Variants in IL1RAPL1 observed in about 807,000 individuals in gnomAD.
The protein encoded by IL1RAPL1 is interleukin 1 receptor accessory protein like 1, also known as interleukin-1 receptor accessory protein-like 1.
In IL1RAPL1, 3 loss-of-function variants were observed where a neutral mutation model predicts 48.4. The observed-to-expected ratio is 0.06, with a 90% CI of 0.03 to 0.16. IL1RAPL1 has a LOEUF of 0.16. IL1RAPL1 is among the 10% of genes least tolerant of loss of function. IL1RAPL1 has a pLI of 1.00. For missense variants in IL1RAPL1, 349 were observed against 530.6 expected (o/e 0.66, Z 3.36); for synonymous variants, 185 against 187.7 (o/e 0.99, Z 0.12).
intron 5 of IL1RAPL1, among the ~76,000 whole-genome samples, chrX:29,494,148 G>A (rs766112654): frequency 7.2e-5 from 8 of 110,621 alleles, no homozygotes; most frequent in South Asian, 3.8e-4. Flanking sequence ...TGATCTTCCC[G>A]CTTTGGCCTC....
chrX:29,391,806 C>T (rs1258668777), intron 3 of IL1RAPL1, among the ~76,000 whole-genome samples: 1 of 111,712 alleles, frequency 9.0e-6, no homozygotes, highest in Non-Finnish European at 1.9e-5. Context: ...ATTGCCTCCC[C>T]TAGCTTATAG....
rs1347032467 is a variant in IL1RAPL1 at position 29,606,703 on chromosome X, G to A, written c.704-61727G>A. Among the ~76,000 whole-genome samples, 3 of 111,624 alleles carry A rather than the reference G, an allele frequency of 2.7e-5. No homozygotes were observed. In the East Asian group the frequency reaches 8.4e-4, roughly 31 times the overall value. On this transcript the variant is annotated intron_variant, in intron 5 of 10. Transcript: ENST00000378993. ...TTCAGAGTAAATTCATAATAGTTTG[G>A]AATTGCCTGAGCTACCTTTGGGAGA...
At chrX:29,725,259 A>G (rs1178084918) in intron 6 of IL1RAPL1, among the ~76,000 whole-genome samples, 2 of 111,094 alleles carry the variant, frequency 1.8e-5, no homozygotes, top group African/African-American at 6.6e-5. Flanking sequence ...TTAGGGCACA[A>G]TCTCTCATAA....
At chrX:29,406,197 G>T (rs2143168) in intron 5 of IL1RAPL1, among the ~76,000 whole-genome samples, 2 of 110,122 alleles carry the variant, frequency 1.8e-5, no homozygotes, top group African/African-American at 3.3e-5. Context: ...AGACCATCCT[G>T]GCTAACATGG....
intron 6 of IL1RAPL1, among the ~76,000 whole-genome samples, chrX:29,846,515 C>A (rs1931249011): frequency 9.1e-6 from 1 of 110,169 alleles, no homozygotes; most frequent in Admixed American, 9.8e-5. Flanking sequence ...AACATGATGT[C>A]TCTATGTTAA....
At chrX:28,749,764 G>C (rs939522954) in intron 1 of IL1RAPL1, among the ~76,000 whole-genome samples, 2 of 109,258 alleles carry the variant, frequency 1.8e-5, no homozygotes, top group African/African-American at 6.7e-5. Context: ...AATTCCATTT[G>C]TCTATTTTTG....
rs937094039 is a variant in IL1RAPL1 at position 29,090,498 on chromosome X, C to T, written c.83-192440C>T. On this transcript the variant is annotated intron_variant, in intron 2 of 10. Coordinates refer to ENST00000378993, the MANE Select transcript of IL1RAPL1 (RefSeq NM_014271.4). ...TTTTCAAACTTATATAATCTGATTCCATCTCTGGGGAGGAAAAAAGACATT... is the reference window on the plus strand; with the variant it reads ...TTTTCAAACTTATATAATCTGATTCTATCTCTGGGGAGGAAAAAAGACATT... Among the ~76,000 whole-genome samples, 44 of 110,154 alleles carry T rather than the reference C, an allele frequency of 4.0e-4. 2 individuals carry two copies. Among genetic ancestry groups the T allele is most frequent in the Non-Finnish European group, 2.5e-4 (13 of 52,073 alleles).
At chrX:29,222,015 C>CAAAAAA (rs761229753) in intron 2 of IL1RAPL1, among the ~76,000 whole-genome samples, 2 of 65,367 alleles carry the variant, frequency 3.1e-5, no homozygotes, top group African/African-American at 1.3e-4. Context: ...GAGATTCCGT[C>CAAAAAA]AAAAAAAAAA....
intron 3 of IL1RAPL1, among the ~76,000 whole-genome samples, chrX:29,385,232 A>G (rs1364898683): frequency 8.9e-6 from 1 of 112,160 alleles, no homozygotes; most frequent in Non-Finnish European, 1.9e-5. Context: ...CAGTGGGTGG[A>G]TCACCTGAGG....
intron 1 of IL1RAPL1, among the ~76,000 whole-genome samples, chrX:28,601,696 A>G (rs1934027846): frequency 9.0e-6 from 1 of 111,278 alleles, no homozygotes; most frequent in South Asian, 3.8e-4. Context: ...GCATTTTAAA[A>G]GATCTGTCTT....
At chrX:28,917,256 A>G (rs1355376039) in intron 2 of IL1RAPL1, among the ~76,000 whole-genome samples, 1 of 111,822 alleles carries the variant, frequency 8.9e-6, no homozygotes, top group Non-Finnish European at 1.9e-5. Flanking sequence ...AAAGCTTCAT[A>G]TAAGCCAATT....
intron 9 of IL1RAPL1, among the ~76,000 whole-genome samples, chrX:29,951,103 T>A (rs1211193915): frequency 1.8e-5 from 2 of 111,929 alleles, no homozygotes; most frequent in Non-Finnish European, 3.8e-5. Flanking sequence ...GCATGGAGTC[T>A]ACATCTCCAA....
At chrX:29,477,955 A>G (rs1339365047) in intron 5 of IL1RAPL1, among the ~76,000 whole-genome samples, 2 of 112,778 alleles carry the variant, frequency 1.8e-5, no homozygotes, top group Non-Finnish European at 3.7e-5. Context: ...AGTAATTCAC[A>G]GAAGAAATAC....
chrX:29,232,847 G>A (rs776671467), intron 2 of IL1RAPL1, among the ~76,000 whole-genome samples: 6 of 110,179 alleles, frequency 5.4e-5, no homozygotes, highest in Non-Finnish European at 1.1e-4. Flanking sequence ...CGCCCAGGCT[G>A]GAATGCAGTG....
At chrX:29,557,315 A>C (rs1465414368) in intron 5 of IL1RAPL1, among the ~76,000 whole-genome samples, 1 of 112,074 alleles carries the variant, frequency 8.9e-6, no homozygotes, top group South Asian at 3.7e-4. Flanking sequence ...ATGAGAAGAC[A>C]CAGTAAAATA....
chrX:29,800,848 AAATT>A (rs1470933201), intron 6 of IL1RAPL1, among the ~76,000 whole-genome samples: 1 of 97,835 alleles, frequency 1.0e-5, no homozygotes, highest in African/African-American at 3.7e-5. Context: ...AAAAAAAAAA[AAATT>A]AGCCAGGCGT....
chrX:28,806,158 T>C (rs1174363954), intron 2 of IL1RAPL1, among the ~76,000 whole-genome samples: 1 of 112,030 alleles, frequency 8.9e-6, no homozygotes, highest in African/African-American at 3.2e-5. Context: ...ATGAAATGAA[T>C]AGTTTCATTA....
intron 6 of IL1RAPL1, among the ~76,000 whole-genome samples, chrX:29,763,434 T>C (rs1187964726): frequency 3.6e-5 from 4 of 111,188 alleles, no homozygotes; most frequent in African/African-American, 1.3e-4. Flanking sequence ...GGAAACTATG[T>C]GCTCAGGAAC....
chrX:28,660,509 CTCAAAT>C (rs1270640878), intron 1 of IL1RAPL1, among the ~76,000 whole-genome samples: 3 of 111,536 alleles, frequency 2.7e-5, no homozygotes, highest in Non-Finnish European at 5.6e-5. Flanking sequence ...ATATAGGATA[CTCAAAT>C]TCAAATTTGT....
Sources: gnomAD v4.1 joint callset for allele counts (sites outside exome capture counted in the v4.1 genomes callset) on GRCh38, gnomAD v4.1.1 for gene constraint, MANE v1.5 for transcripts, NCBI Gene and HGNC (gene_info 2026-07-23, HGNC 2026-07-21) for gene names.